The following DENND2B variants were observed in gnomAD, a reference collection of about 807,000 sequenced individuals.
DENND2B encodes the protein DENN domain-containing protein 2B.
In DENND2B, 32 loss-of-function variants were observed where a neutral mutation model predicts 116.0. That is an observed-to-expected ratio of 0.28 (90% confidence interval 0.21 to 0.37). The LOEUF is 0.37. DENND2B is among the 10% of genes least tolerant of loss of function. The pLI is 1.00. For missense variants in DENND2B, 1,276 were observed against 1,477.7 expected (o/e 0.86, Z 2.24); for synonymous variants, 588 against 583.9 (o/e 1.01, Z -0.10).
In DENND2B at chr11:8,730,229, C is replaced by G. The variant is rs1156824422; in HGVS notation, c.1061G>C (p.Arg354Thr). The G allele has an allele frequency of 5.0e-6, 8 of 1,612,660 alleles. No individual in the cohort carries two copies. Among genetic ancestry groups the G allele is most frequent in the Non-Finnish European group, 6.8e-6 (8 of 1,179,446 alleles). The change falls in exon 3 of 20, where the codon AGG (arginine) becomes ACG (threonine). Residue 354 changes from arginine to threonine, a missense_variant. Transcript: ENST00000313726. The surrounding 1 kb of genome is among the most constrained non-coding windows in gnomAD (Gnocchi z 4.1). ...GGGCTTAGTGGAACCACTGCCTTCC[C>G]TCTCTGGGGGTGGGCCCGCCTCCCC... ...VAGEAGPPPEREGSGSTKPGT... is the reference protein window; with the variant it reads ...VAGEAGPPPETEGSGSTKPGT...
chr11:8,802,138 T>C (rs1593914418), intron 1 of DENND2B, among the ~76,000 whole-genome samples: 1 of 150,888 alleles, frequency 6.6e-6, no homozygotes, highest in African/African-American at 2.4e-5. Flanking sequence ...CCATCGATAC[T>C]AAAAATACAA....
chr11:8,875,376 C>CCAGA (rs1351759020), upstream of DENND2B, among the ~76,000 whole-genome samples: 1 of 150,132 alleles, frequency 6.7e-6, no homozygotes, highest in Non-Finnish European at 1.5e-5. Context: ...AGTAGGAAGC[C>CCAGA]CAGAAACCAA....
chr11:8,725,374 A>ATTT lies in DENND2B; in HGVS notation c.1477+698_1477+699insAAA, dbSNP rs61037034. Among the ~76,000 whole-genome samples the ATTT allele has an allele frequency of 7.8e-5, 11 of 140,186 alleles. 4 individuals are homozygous for ATTT. The highest frequency in any genetic ancestry group is 1.4e-4 in the Non-Finnish European group (9 of 64,994). 92.0% of individuals were successfully genotyped at this position (140,186 alleles called of 152,430 possible). Reference sequence around the variant, plus strand: ...TCTAACAATAACCTTATGAAATATTACTTTTTTTTTTTTTTTTGAGACGGA... The same window carrying ATTT: ...TCTAACAATAACCTTATGAAATATTATTTCTTTTTTTTTTTTTTTTGAGACGGA... On this transcript the variant is annotated intron_variant, in intron 4 of 19. Transcript: ENST00000313726.
chr11:8,806,389 T>G (rs2060837928), intron 1 of DENND2B, among the ~76,000 whole-genome samples: 1 of 152,128 alleles, frequency 6.6e-6, no homozygotes, highest in Non-Finnish European at 1.5e-5. Context: ...TAAGAAGGCT[T>G]CATACGCTAA....
At chr11:8,800,218 T>C (rs1210568793) in intron 1 of DENND2B, among the ~76,000 whole-genome samples, 2 of 152,160 alleles carry the variant, frequency 1.3e-5, no homozygotes, top group Non-Finnish European at 2.9e-5. Flanking sequence ...CCTCCCAAAG[T>C]GTTAGGATTA....
Position 8,698,973 on chromosome 11 carries a change from G to A in DENND2B, c.2900C>T (p.Ala967Val), listed in dbSNP as rs751881585. The A allele has an allele frequency of 6.8e-6, 11 of 1,614,144 alleles. No homozygotes were observed. The highest frequency in any genetic ancestry group is 4.4e-5 in the South Asian group (4 of 91,090). ...GTCAGATCCCAGATTCACCATCAGC[G>A]CCTGAGAAAAGGAGTCATTAGCAGA... Reference protein sequence around the residue: ...PKLKELPVEEALMVNLGSDRF... With the variant: ...PKLKELPVEEVLMVNLGSDRF... The change falls in exon 16 of 20, where the codon GCG becomes GTG. Residue 967 changes from alanine to valine, a missense_variant and splice_region_variant. Transcript: ENST00000313726.
intron 1 of DENND2B, among the ~76,000 whole-genome samples, chr11:8,765,119 G>C (rs577314313): frequency 1.1e-4 from 16 of 152,132 alleles, no homozygotes; most frequent in African/African-American, 3.9e-4. Flanking sequence ...TCCCCATCTA[G>C]GGAAAGGGGC....
At chr11:8,810,049 CT>C (rs55725261) in intron 1 of DENND2B, 55,288 of 129,386 alleles carry the variant, frequency 0.43, 12,149 homozygotes, top group Admixed American at 0.52. Context: ...CTTAATTAGC[CT>C]TTTTTTTTTT....
At chr11:8,834,134 A>G (rs2134592590) in intron 4 of DENND2B, among the ~76,000 whole-genome samples, 1 of 152,340 alleles carries the variant, frequency 6.6e-6, no homozygotes, top group South Asian at 2.1e-4. Context: ...TCCCCAAGCA[A>G]GAACATCTGG....
At chr11:8,825,960 C>T (rs1212319580) in intron 4 of DENND2B, among the ~76,000 whole-genome samples, 1 of 152,074 alleles carries the variant, frequency 6.6e-6, no homozygotes, top group Admixed American at 6.6e-5. Flanking sequence ...TATTTGCAGT[C>T]CCGGGGTAAA....
At chr11:8,791,155 C>T (rs1384467651) in intron 1 of DENND2B, among the ~76,000 whole-genome samples, 2 of 152,204 alleles carry the variant, frequency 1.3e-5, no homozygotes, top group Non-Finnish European at 2.9e-5. Flanking sequence ...ACTGCCTCTC[C>T]TCAGTACCAG....
intron 1 of DENND2B, among the ~76,000 whole-genome samples, chr11:8,901,430 A>G (rs1470869197): frequency 6.6e-6 from 1 of 151,534 alleles, no homozygotes; most frequent in Non-Finnish European, 1.5e-5. Flanking sequence ...GGGTTTCACC[A>G]TGTTGGCCAG....
Position 8,699,190 on chromosome 11 carries a change from AGCTGGTTCCCCC to A in DENND2B, c.2898+11_2898+22del. The stretch of plus-strand genomic sequence containing the variant: ...TGCTTCCCCCTCCACCCTTCCCCCC[AGCTGGTTCCCCC>A]GGTGGCCCACCTCCTCCACAGGCAG... On this transcript the variant is annotated intron_variant, in intron 15 of 19. Coordinates refer to ENST00000313726, the MANE Select transcript of DENND2B (RefSeq NM_213618.2). The A allele has an allele frequency of 6.5e-7, 1 of 1,535,594 alleles. No homozygotes were observed.
At chr11:8,697,926 G>A (rs1376226245) in intron 16 of DENND2B, 4 of 499,974 alleles carry the variant, frequency 8.0e-6, no homozygotes, top group African/African-American at 5.8e-5. Context: ...CCAGGAGGGA[G>A]TTCGAGACCA....
intron 1 of DENND2B, among the ~76,000 whole-genome samples, chr11:8,762,450 A>G (rs1028777251): frequency 2.0e-5 from 3 of 152,202 alleles, no homozygotes; most frequent in African/African-American, 7.2e-5. Flanking sequence ...GGTCTGACCC[A>G]CTTACAGCAA....
At chr11:8,872,488 AAAAAAAAAAAAAAAG>A (rs2063797289), upstream of DENND2B, among the ~76,000 whole-genome samples, 1 of 150,216 alleles carries the variant, frequency 6.7e-6, no homozygotes, top group African/African-American at 2.4e-5. Context: ...CTCCGTCTAA[AAAAAAAAAAAAAAAG>A]AAAAAAAAAG....
intron 2 of DENND2B, among the ~76,000 whole-genome samples, chr11:8,750,109 AG>A (rs1410429705): frequency 3.2e-4 from 48 of 152,268 alleles, no homozygotes; most frequent in Non-Finnish European, 6.0e-4. Context: ...TATAGGGCAC[AG>A]GGAAACGTTC....
At chr11:8,855,746 C>T (rs984474210) in intron 3 of DENND2B, among the ~76,000 whole-genome samples, 11 of 152,044 alleles carry the variant, frequency 7.2e-5, no homozygotes, top group African/African-American at 2.2e-4. Flanking sequence ...GCTGCCCAAA[C>T]TTAATACAAA....
chr11:8,715,545 G>T, intron 6 of DENND2B, 58 bp downstream of exon 6: 1 of 1,557,906 alleles, frequency 6.4e-7, no homozygotes, highest in Non-Finnish European at 8.8e-7. Flanking sequence ...AGAGAGAAAG[G>T]CTGGCTGCCT....
Sources: gnomAD v4.1 joint callset for allele counts (sites outside exome capture counted in the v4.1 genomes callset) on GRCh38, gnomAD v4.1.1 for gene constraint, Gnocchi (gnomAD v3.1) non-coding constraint, MANE v1.5 for transcripts, NCBI Gene and HGNC (gene_info 2026-07-23, HGNC 2026-07-21) for gene names.